The following RBL2 variants were observed in gnomAD, a reference collection of about 807,000 sequenced individuals.
The protein encoded by RBL2 is retinoblastoma-like protein 2.
In RBL2, 56 loss-of-function variants were observed where a neutral mutation model predicts 126.0. That is an observed-to-expected ratio of 0.44 (90% CI 0.36 to 0.56). RBL2 has a LOEUF of 0.56. Ranked by LOEUF, RBL2 falls within the 20% of genes least tolerant of loss-of-function variation. The pLI, the probability that RBL2 is intolerant of heterozygous loss-of-function variation, is 0.00. For missense variants in RBL2, 1,229 were observed against 1,398.2 expected (o/e 0.88, Z 1.93); for synonymous variants, 454 against 478.5 (o/e 0.95, Z 0.67).
At chr16:53,440,566 T>G (rs1255987814) in intron 2 of RBL2, among the ~76,000 whole-genome samples, 1 of 152,222 alleles carries the variant, frequency 6.6e-6, no homozygotes, top group Non-Finnish European at 1.5e-5. Context: ...TCATTCTGTT[T>G]TTTTTGAGAT....
chr16:53,490,193 C>G lies in RBL2; in HGVS notation c.3313C>G (p.Leu1105Val), dbSNP rs1961362181. The change falls in exon 22 of 22, where the codon CTT (leucine) becomes GTT (valine). Residue 1105 changes from leucine (L) to valine (V), a missense_variant. Leu to Val is a conservative substitution (Grantham distance 32). Transcript: ENST00000262133. ...GETPTKKRGI[L>V]LEDGSESPAK... is the part of the protein sequence containing the mutation. ...AACTCCTACTAAAAAGAGAGGAATT[C>G]TTTTGGAAGATGGAAGTGAATCACC... 2 of 1,612,084 alleles carry G rather than the reference C, an allele frequency of 1.2e-6. No homozygotes were observed. The highest frequency in any genetic ancestry group is 1.7e-5 in the Admixed American group (1 of 59,878).
At chr16:53,483,163 G>A (rs1961023505) in intron 21 of RBL2, among the ~76,000 whole-genome samples, 2 of 152,194 alleles carry the variant, frequency 1.3e-5, no homozygotes, top group African/African-American at 4.8e-5. Context: ...ATATATTTAG[G>A]TAGGGAGAGA....
At chr16:53,483,926 TAAAAAAAAAAA>T (rs77395902) in intron 21 of RBL2, among the ~76,000 whole-genome samples, 2 of 131,010 alleles carry the variant, frequency 1.5e-5, no homozygotes, top group South Asian at 4.7e-4. Context: ...CCTATCATAG[TAAAAAAAAAAA>T]AAAAAAGGTG....
intron 18 of RBL2, chr16:53,479,542 GA>G (rs1416188637): frequency 2.2e-6 from 1 of 460,746 alleles, no homozygotes. Flanking sequence ...TTAACCAACA[GA>G]ATGTCACATG....
intron 8 of RBL2, among the ~76,000 whole-genome samples, chr16:53,457,277 T>TTTTTTTTTTTTTTTTTTTTTTTG (rs1213898728): frequency 7.1e-6 from 1 of 139,882 alleles, no homozygotes. Context: ...TTTTTTTTTT[T>TTTTTTTTTTTTTTTTTTTTTTTG]GAGATGGAGT....
chr16:53,478,336 G>A (rs1261626833), intron 17 of RBL2, among the ~76,000 whole-genome samples: 1 of 152,146 alleles, frequency 6.6e-6, no homozygotes, highest in Non-Finnish European at 1.5e-5. Flanking sequence ...GGAAGTCACT[G>A]AATGTCCTGG....
At chr16:53,483,282 C>T (rs966025953) in intron 21 of RBL2, among the ~76,000 whole-genome samples, 10 of 152,026 alleles carry the variant, frequency 6.6e-5, no homozygotes, top group East Asian at 3.9e-4. Flanking sequence ...GAAAACAGTC[C>T]GGGTGCAGTG....
chr16:53,455,225 GTCTTT>G (rs2058155902), intron 8 of RBL2, among the ~76,000 whole-genome samples: 1 of 152,198 alleles, frequency 6.6e-6, no homozygotes, highest in African/African-American at 2.4e-5. Flanking sequence ...AGGATCTACA[GTCTTT>G]AAGAAAATTC....
At chr16:53,438,945 A>G in intron 1 of RBL2, 71 bp from the exon 2 acceptor site, 2 of 1,108,866 alleles carry the variant, frequency 1.8e-6, no homozygotes, top group Non-Finnish European at 2.4e-6. Flanking sequence ...CAATTTAAAC[A>G]TACTTTTAAA....
intron 9 of RBL2, among the ~76,000 whole-genome samples, chr16:53,460,808 A>G (rs2058212557): frequency 6.6e-6 from 1 of 152,138 alleles, no homozygotes. Flanking sequence ...AACTTGCTTC[A>G]TTTTCACAAA....
chr16:53,474,403 G>A (rs1056722279), intron 17 of RBL2, among the ~76,000 whole-genome samples: 1 of 151,978 alleles, frequency 6.6e-6, no homozygotes, highest in Non-Finnish European at 1.5e-5. Context: ...CGCAACCTCC[G>A]CCTCCCAGGT....
chr16:53,467,213 G>A (rs1399683111), intron 14 of RBL2, 44 bp downstream of exon 14: 8 of 1,483,984 alleles, frequency 5.4e-6, no homozygotes, highest in Non-Finnish European at 7.5e-6. Flanking sequence ...CTTACTATCT[G>A]GAAATTTAAA....
At chr16:53,488,867 T>C (rs1192635256) in intron 21 of RBL2, 3 of 152,090 alleles carry the variant, frequency 2.0e-5, no homozygotes, top group East Asian at 3.9e-4. Flanking sequence ...ACCAGACTCT[T>C]AGGAAGGCAG....
intron 12 of RBL2, among the ~76,000 whole-genome samples, chr16:53,465,046 GC>G (rs2058260058): frequency 6.6e-6 from 1 of 152,172 alleles, no homozygotes; most frequent in African/African-American, 2.4e-5. Context: ...GCCCGCCACG[GC>G]CCCCCAGAGT....
Position 53,442,798 on chromosome 16 carries a change from A to C in RBL2, c.512A>C (p.Gln171Pro). 1 of 1,613,542 alleles carries C rather than the reference A, an allele frequency of 6.2e-7. No homozygotes were observed. Among genetic ancestry groups the C allele is most frequent in the Non-Finnish European group, 8.5e-7 (1 of 1,179,520 alleles). Residue 171 changes from glutamine (Q) to proline (P), a missense_variant, in exon 3 of 22, where the codon CAG becomes CCG. Physicochemically the swap from Gln to Pro is moderately conservative, Grantham distance 76. Around this residue, in one of 2 missense-constraint regions of RBL2, gnomAD observed 1,070 missense variants for 1,274.3 expected, o/e 0.84. Coordinates refer to ENST00000262133, the MANE Select transcript of RBL2 (RefSeq NM_005611.4). ...VIFKKYEPIF[Q>P]DIFKYPQEEQ... The stretch of plus-strand genomic sequence containing the variant: ...TTTAAGAAATATGAACCCATTTTTC[A>C]GGACATCTTTAAATACCCTCAAGAG...
intron 1 of RBL2, chr16:53,435,774 T>A: frequency 7.9e-7 from 1 of 1,262,948 alleles, no homozygotes; most frequent in Non-Finnish European, 1.0e-6. Flanking sequence ...TTTTTGGCTA[T>A]GTGTACTGAT....
At chr16:53,479,864 C>A in intron 18 of RBL2, 22 bp from the exon 19 acceptor site, 1 of 1,496,592 alleles carries the variant, frequency 6.7e-7, no homozygotes, top group Admixed American at 1.9e-5. Flanking sequence ...GTTTATGTCC[C>A]CTTCTCATTG....
intron 21 of RBL2, chr16:53,488,098 A>G (rs573169452): frequency 6.6e-6 from 1 of 152,382 alleles, no homozygotes; most frequent in African/African-American, 2.4e-5. Context: ...AAAATCACGT[A>G]CATGACTGTT....
At chr16:53,467,013 G>A (rs762333319) in intron 13 of RBL2, 45 bp from the exon 14 acceptor site, 6 of 1,379,336 alleles carry the variant, frequency 4.3e-6, no homozygotes, top group Non-Finnish European at 5.1e-6. Context: ...TGTAATTAAA[G>A]TGCTTTTTTG....
Sources: gnomAD v4.1 joint callset for allele counts (sites outside exome capture counted in the v4.1 genomes callset) on GRCh38, gnomAD v4.1.1 for gene constraint, gnomAD v4.1.1 regional missense constraint, MANE v1.5 for transcripts, NCBI Gene and HGNC (gene_info 2026-07-23, HGNC 2026-07-21) for gene names.